AKR1E2: variants seen among roughly 807,000 people sequenced by gnomAD.
AKR1E2 encodes aldo-keto reductase family 1 member E2.
In AKR1E2, 43 loss-of-function variants were observed where a neutral mutation model predicts 41.9. The observed-to-expected ratio is 1.03, with a 90% CI of 0.80 to 1.32. The LOEUF is 1.32. Ranked by LOEUF, AKR1E2 falls within the 40% of genes most tolerant of loss-of-function variation. AKR1E2 has a pLI of 0.00. For synonymous variants in AKR1E2, 121 were observed against 138.9 expected, an observed-to-expected ratio of 0.87 and a Z score of 0.91; for missense variants, 423 against 396.5, an observed-to-expected ratio of 1.07 and a Z score of -0.57.
At chr10:4,826,179 G>A, upstream of AKR1E2, 1 of 569,738 alleles carries the variant, frequency 1.8e-6, no homozygotes. Context: ...CTGCGTTCAT[G>A]CTTCCAGCCA....
Position 4,826,313 on chromosome 10 carries a change from CCGG to C in AKR1E2, c.-4_-2del. 8 of 1,233,364 alleles carry C rather than the reference CCGG, an allele frequency of 6.5e-6. No homozygotes were observed. Among genetic ancestry groups the C allele is most frequent in the Non-Finnish European group, 8.1e-6 (8 of 987,402 alleles). The allele number at this position is 1,233,364 out of a possible 1,614,324, so 76.4% of individuals were successfully genotyped here. A position where few individuals can be genotyped will look rare whatever the true frequency, so the allele number is the denominator to read the frequency against. Reference sequence around the variant, plus strand: ...GCGGGGCGGCGGGGCGGCGGGGCGGCCGGCGGCGGCCATGGGAGATATCCCAGC... The same window carrying C: ...GCGGGGCGGCGGGGCGGCGGGGCGGCCGGCGGCCATGGGAGATATCCCAGC... On this transcript the variant is annotated 5_prime_UTR_variant, in exon 1 of 10. Transcript: ENST00000298375.
intron 8 of AKR1E2, chr10:4,845,879 G>T: frequency 2.1e-6 from 1 of 469,960 alleles, no homozygotes; most frequent in South Asian, 1.5e-5. Flanking sequence ...GATGGCTGAG[G>T]ACAGACAGCA....
chr10:4,825,582 G>A (rs1832414365), upstream of AKR1E2, among the ~76,000 whole-genome samples: 1 of 152,198 alleles, frequency 6.6e-6, no homozygotes, highest in African/African-American at 2.4e-5. Context: ...AGCCCCAGCC[G>A]CTCTGGGCCA....
chr10:4,869,700 G>A, the AKR1E2 span, among the ~76,000 whole-genome samples: 14 of 151,958 alleles, frequency 9.2e-5, no homozygotes, highest in East Asian at 2.1e-3. Context: ...GATATGTTGC[G>A]TTTTTATTTT....
the AKR1E2 span, among the ~76,000 whole-genome samples, chr10:4,865,977 G>C: frequency 1.3e-5 from 2 of 152,028 alleles, no homozygotes; most frequent in African/African-American, 4.8e-5. Flanking sequence ...GGTTCTTTTG[G>C]TCAATCTCCT....
At chr10:4,844,863 C>G (rs984864398) in intron 8 of AKR1E2, among the ~76,000 whole-genome samples, 4 of 152,238 alleles carry the variant, frequency 2.6e-5, no homozygotes, top group Admixed American at 6.5e-5. Flanking sequence ...CCCAGTGGAT[C>G]CCGCACGGGG....
At chr10:4,867,667 C>T in the AKR1E2 span, among the ~76,000 whole-genome samples, 1 of 152,202 alleles carries the variant, frequency 6.6e-6, no homozygotes, top group Admixed American at 6.5e-5. Flanking sequence ...AAAGATAACG[C>T]CATTCATCCG....
chr10:4,859,574 A>G, the AKR1E2 span, among the ~76,000 whole-genome samples: 1 of 152,222 alleles, frequency 6.6e-6, no homozygotes, highest in African/African-American at 2.4e-5. Context: ...AGGTGAGGCT[A>G]AAGATCTAAG....
intron 3 of AKR1E2, among the ~76,000 whole-genome samples, 184 bp from the exon 4 acceptor site, chr10:4,835,491 G>A (rs1588450125): frequency 6.6e-6 from 1 of 152,210 alleles, no homozygotes; most frequent in Non-Finnish European, 1.5e-5. Context: ...CAGAGGCTTT[G>A]CCAGCCATCC....
chr10:4,835,989 A>G (rs1833383511), intron 4 of AKR1E2, among the ~76,000 whole-genome samples, 180 bp downstream of exon 4: 1 of 152,088 alleles, frequency 6.6e-6, no homozygotes, highest in African/African-American at 2.4e-5. Flanking sequence ...CTTTCTTGTT[A>G]CCTTTGGTTT....
chr10:4,825,404 C>A (rs903803911), upstream of AKR1E2, among the ~76,000 whole-genome samples: 3 of 152,058 alleles, frequency 2.0e-5, no homozygotes, highest in African/African-American at 7.2e-5. Flanking sequence ...TCCCTTGACC[C>A]CTCTTTCCCT....
the AKR1E2 span, among the ~76,000 whole-genome samples, chr10:4,862,141 C>T: frequency 3.9e-5 from 6 of 152,208 alleles, no homozygotes; most frequent in Admixed American, 3.3e-4. Context: ...TTTCAGCTTT[C>T]TACATATGGC....
At chr10:4,860,784 T>C in the AKR1E2 span, among the ~76,000 whole-genome samples, 7 of 152,226 alleles carry the variant, frequency 4.6e-5, no homozygotes, top group Non-Finnish European at 8.8e-5. Flanking sequence ...ATATGCTTTA[T>C]TGGCTTTTTT....
chr10:4,854,323 A>G, the AKR1E2 span, among the ~76,000 whole-genome samples: 1 of 151,828 alleles, frequency 6.6e-6, no homozygotes, highest in African/African-American at 2.4e-5. Context: ...TTAACTCCTG[A>G]CCTCATGATC....
At chr10:4,836,352 G>A (rs979627012) in intron 4 of AKR1E2, among the ~76,000 whole-genome samples, 1 of 152,222 alleles carries the variant, frequency 6.6e-6, no homozygotes, top group Non-Finnish European at 1.5e-5. Context: ...TTGCAGTAAA[G>A]ACTTGAGCAG....
intron 2 of AKR1E2, among the ~76,000 whole-genome samples, chr10:4,831,746 G>T (rs1832986955): frequency 1.3e-5 from 2 of 152,208 alleles, no homozygotes; most frequent in African/African-American, 4.8e-5. Flanking sequence ...AGGCTGAGTG[G>T]TGGATAGGCT....
downstream of AKR1E2, among the ~76,000 whole-genome samples, chr10:4,852,787 C>G (rs1834552707): frequency 6.6e-6 from 1 of 152,098 alleles, no homozygotes; most frequent in African/African-American, 2.4e-5. Context: ...GCTTACACGG[C>G]AGAAATCCAT....
chr10:4,861,942 C>T, the AKR1E2 span, among the ~76,000 whole-genome samples: 2 of 152,090 alleles, frequency 1.3e-5, no homozygotes, highest in Non-Finnish European at 2.9e-5. Context: ...TAATTAGATC[C>T]CATTTGTCAA....
the AKR1E2 span, among the ~76,000 whole-genome samples, chr10:4,853,181 AT>A: frequency 1.8e-3 from 275 of 152,336 alleles, no homozygotes; most frequent in African/African-American, 6.4e-3. Flanking sequence ...AAAGAAAAAT[AT>A]TTACAAGATT....
Sources: allele counts gnomAD v4.1 joint callset (sites outside exome capture counted in the v4.1 genomes callset), GRCh38; gene constraint gnomAD v4.1.1; transcripts MANE v1.5; gene names NCBI Gene and HGNC (gene_info 2026-07-23, HGNC 2026-07-21).